NXPH1: variants seen among roughly 807,000 people sequenced by gnomAD.
NXPH1 encodes the protein neurexophilin 1.
Under a neutral mutation model 23.7 loss-of-function variants are expected in NXPH1, and 5 were observed. The observed-to-expected ratio is 0.21, with a 90% confidence interval of 0.11 to 0.44. The LOEUF (loss-of-function observed/expected upper bound fraction) is 0.44, where lower values mean the gene tolerates loss of function less well. Ranked by LOEUF, NXPH1 falls within the 20% of genes least tolerant of loss-of-function variation. The pLI, the probability that NXPH1 is intolerant of heterozygous loss-of-function variation, is 0.99. For missense variants in NXPH1, 324 were observed against 321.6 expected (o/e 1.01, Z -0.06); for synonymous variants, 144 against 122.2 (o/e 1.18, Z -1.18).
At chr7:8,574,867 C>G (rs778733632) in intron 2 of NXPH1, among the ~76,000 whole-genome samples, 2 of 152,092 alleles carry the variant, frequency 1.3e-5, no homozygotes, top group Non-Finnish European at 2.9e-5. Flanking sequence ...TTAACTTTTA[C>G]TTGAAATAGA....
At chr7:8,608,735 A>G (rs1212542890) in intron 2 of NXPH1, among the ~76,000 whole-genome samples, 1 of 152,110 alleles carries the variant, frequency 6.6e-6, no homozygotes, top group African/African-American at 2.4e-5. Flanking sequence ...CACAAACTTC[A>G]CTTAAAATAA....
chr7:8,507,101 T>C (rs1005950261), intron 2 of NXPH1, among the ~76,000 whole-genome samples: 1 of 151,672 alleles, frequency 6.6e-6, no homozygotes, highest in Non-Finnish European at 1.5e-5. Flanking sequence ...GCTAAGGTAG[T>C]TGTGGCAGAC....
intron 2 of NXPH1, among the ~76,000 whole-genome samples, chr7:8,621,264 C>T (rs939841892): frequency 6.6e-6 from 1 of 151,926 alleles, no homozygotes; most frequent in Non-Finnish European, 1.5e-5. Flanking sequence ...GGCAGGTGAC[C>T]AGGAAGAAGT....
chr7:8,611,661 A>G (rs995143616), intron 2 of NXPH1, among the ~76,000 whole-genome samples: 1 of 152,156 alleles, frequency 6.6e-6, no homozygotes, highest in Non-Finnish European at 1.5e-5. Flanking sequence ...CTTGTGGCAT[A>G]TTTAACAAAT....
At chr7:8,448,013 T>A (rs1816435423) in intron 2 of NXPH1, among the ~76,000 whole-genome samples, 1 of 152,230 alleles carries the variant, frequency 6.6e-6, no homozygotes, top group Admixed American at 6.5e-5. Context: ...AGGCCTGTTT[T>A]CAGTTATCCC....
At chr7:8,534,311 GGA>G (rs1286646064) in intron 2 of NXPH1, among the ~76,000 whole-genome samples, 1 of 151,984 alleles carries the variant, frequency 6.6e-6, no homozygotes, top group East Asian at 1.9e-4. Flanking sequence ...AGGAACCACT[GGA>G]AACATTCCAT....
chr7:8,656,776 G>A (rs1405369256), intron 2 of NXPH1, among the ~76,000 whole-genome samples: 1 of 150,284 alleles, frequency 6.7e-6, no homozygotes, highest in African/African-American at 2.5e-5. Flanking sequence ...TCCCACCTAT[G>A]AGTGAGAATA....
chr7:8,582,845 C>T (rs543708960), intron 2 of NXPH1, among the ~76,000 whole-genome samples: 1 of 152,184 alleles, frequency 6.6e-6, no homozygotes, highest in Non-Finnish European at 1.5e-5. Context: ...GGGACCCACC[C>T]CTTTCCACCC....
intron 2 of NXPH1, among the ~76,000 whole-genome samples, chr7:8,676,764 G>A (rs1040322505): frequency 1.3e-5 from 2 of 152,064 alleles, no homozygotes; most frequent in Non-Finnish European, 2.9e-5. Context: ...TATGACACAG[G>A]GCTTAAAGGC....
At chr7:8,632,297 T>C (rs4278072) in intron 2 of NXPH1, among the ~76,000 whole-genome samples, 41,912 of 152,098 alleles carry the variant, frequency 0.28, 6,236 homozygotes, top group African/African-American at 0.35. Flanking sequence ...AAACATCTCA[T>C]GGCTTTTCCA....
chr7:8,454,960 T>A (rs972057468), intron 2 of NXPH1, among the ~76,000 whole-genome samples: 8 of 152,166 alleles, frequency 5.3e-5, no homozygotes, highest in African/African-American at 1.9e-4. Context: ...GAAGTATGTT[T>A]TCTTTGATAA....
chr7:8,713,962 G>C (rs997189883), intron 2 of NXPH1, among the ~76,000 whole-genome samples: 3 of 152,264 alleles, frequency 2.0e-5, no homozygotes, highest in Non-Finnish European at 4.4e-5. Flanking sequence ...GGCAACCACT[G>C]TTTGGCTACT....
intron 2 of NXPH1, among the ~76,000 whole-genome samples, chr7:8,712,694 A>G (rs977162936): frequency 6.6e-6 from 1 of 152,228 alleles, no homozygotes; most frequent in Non-Finnish European, 1.5e-5. Flanking sequence ...TGTCAGCCCC[A>G]TGGGTTGTGT....
rs529229858 is a variant in NXPH1, at chr7:8,549,786, A to G, written c.54+114019A>G. Among the ~76,000 whole-genome samples, 4 of 151,702 alleles carry G rather than the reference A, an allele frequency of 2.6e-5. No homozygotes were observed. In the East Asian group the frequency reaches 5.9e-4, roughly 22 times the overall value. ...TTTACAGAGGAGGAAATAAATGTAC[A>G]CAGAGATTACACATTTACCCATTTA... On this transcript the variant is annotated intron_variant, in intron 2 of 2. Transcript: ENST00000405863.
rs963863505 is a variant in NXPH1, at chr7:8,528,307, G to C, written c.54+92540G>C. On this transcript the variant is annotated intron_variant, in intron 2 of 2. Coordinates refer to ENST00000405863, the MANE Select transcript of NXPH1 (RefSeq NM_152745.3). ...GGCTGCTTGCTGAGGTAATGGCTCT[G>C]GGGGGAGCCAGAGTGGGTGGAAGTG... Among the ~76,000 whole-genome samples, 41 of 152,316 alleles carry C rather than the reference G, an allele frequency of 2.7e-4. 1 individual carries two copies. Among genetic ancestry groups the C allele is most frequent in the African/African-American group, 9.6e-4 (40 of 41,558 alleles).
chr7:8,436,804 T>C (rs1484225735), intron 2 of NXPH1, among the ~76,000 whole-genome samples: 2 of 152,024 alleles, frequency 1.3e-5, no homozygotes, highest in Non-Finnish European at 2.9e-5. Context: ...ACACCTCTGA[T>C]TGGAGGTGAT....
intron 2 of NXPH1, among the ~76,000 whole-genome samples, chr7:8,637,648 A>AT (rs1002513632): frequency 1.3e-5 from 2 of 152,080 alleles, no homozygotes; most frequent in African/African-American, 4.8e-5. Flanking sequence ...CTGTGTTTAG[A>AT]TTTTTGTTTT....
intron 2 of NXPH1, among the ~76,000 whole-genome samples, chr7:8,546,037 T>A (rs1818192649): frequency 6.6e-6 from 1 of 151,568 alleles, no homozygotes; most frequent in Non-Finnish European, 1.5e-5. Flanking sequence ...ACTCTTTTGA[T>A]GCCAGCTAAT....
In NXPH1 at chr7:8,751,758, C is replaced by T. The variant is rs780936787; in HGVS notation, c.805C>T (p.Pro269Ser). ...YNYHSDTPYF[P>S]SG is the part of the protein sequence containing the mutation. Reference sequence around the variant, plus strand: ...CTACCACAGTGACACACCTTACTTTCCCTCGGGATGAAGGTGAACATGGGG... The same window carrying T: ...CTACCACAGTGACACACCTTACTTTTCCTCGGGATGAAGGTGAACATGGGG... The change falls in exon 3 of 3, where the codon CCC becomes TCC. Residue 269 changes from proline to serine, a missense_variant. Physicochemically the swap from Pro to Ser is moderately conservative, Grantham distance 74. Coordinates refer to ENST00000405863, the MANE Select transcript of NXPH1 (RefSeq NM_152745.3). This position sits in a 1 kb window ranked among gnomAD's most constrained non-coding sequence, Gnocchi z 4.5. 1.9e-6 allele frequency: 3 copies of T among 1,608,550 alleles called. No individual in the cohort carries two copies. Among genetic ancestry groups the T allele is most frequent in the Non-Finnish European group, 2.5e-6 (3 of 1,177,220 alleles).
Sources: gnomAD v4.1 joint callset for allele counts (sites outside exome capture counted in the v4.1 genomes callset) on GRCh38, gnomAD v4.1.1 for gene constraint, Gnocchi (gnomAD v3.1) non-coding constraint, MANE v1.5 for transcripts, NCBI Gene and HGNC (gene_info 2026-07-23, HGNC 2026-07-21) for gene names.